The following CSNK2A2IP variants were observed in gnomAD, a reference collection of about 807,000 sequenced individuals.
CSNK2A2IP encodes casein kinase II subunit alpha'-interacting protein.
the CSNK2A2IP span, among the ~76,000 whole-genome samples, chr3:88,374,410 T>G: frequency 2.9e-3 from 433 of 151,680 alleles, 5 homozygotes; most frequent in African/African-American, 9.7e-3. Context: ...AGATATGGAT[T>G]TGGGAGTCAT....
At chr3:88,391,512 C>T in the CSNK2A2IP span, among the ~76,000 whole-genome samples, 1 of 152,076 alleles carries the variant, frequency 6.6e-6, no homozygotes, top group African/African-American at 2.4e-5. Flanking sequence ...CGTGTATATA[C>T]CAAGGCAAAT....
the CSNK2A2IP span, among the ~76,000 whole-genome samples, chr3:88,396,109 T>C: frequency 1.7e-3 from 252 of 148,152 alleles, 3 homozygotes; most frequent in East Asian, 0.014. Context: ...TACTTCTTTT[T>C]TTTTTTTTTT....
chr3:88,462,114 CATATATAT>C, the CSNK2A2IP span, among the ~76,000 whole-genome samples: 14 of 143,174 alleles, frequency 9.8e-5, no homozygotes, highest in African/African-American at 2.6e-4. Flanking sequence ...GAGTTTTTTT[CATATATAT>C]ATATATATAT....
At chr3:88,364,388 AT>A in the CSNK2A2IP span, among the ~76,000 whole-genome samples, 1 of 152,088 alleles carries the variant, frequency 6.6e-6, no homozygotes, top group Non-Finnish European at 1.5e-5. Flanking sequence ...ATATTTAAAA[AT>A]ATTGCATGGG....
the CSNK2A2IP span, among the ~76,000 whole-genome samples, chr3:88,429,572 G>A: frequency 1.3e-4 from 11 of 81,670 alleles, no homozygotes; most frequent in Non-Finnish European, 2.9e-4. Context: ...CTAAATAGCT[G>A]GCTCTCTGAA....
chr3:88,449,214 G>A, the CSNK2A2IP span, among the ~76,000 whole-genome samples: 5 of 152,032 alleles, frequency 3.3e-5, no homozygotes, highest in Non-Finnish European at 5.9e-5. Context: ...ATTCTTCAAA[G>A]CATGGGCAAA....
At chr3:88,366,123 T>A in the CSNK2A2IP span, among the ~76,000 whole-genome samples, 4 of 152,160 alleles carry the variant, frequency 2.6e-5, no homozygotes, top group Non-Finnish European at 4.4e-5. Context: ...TTAGTGTGGT[T>A]TTCCTGCTCT....
chr3:88,361,243 G>T, the CSNK2A2IP span, among the ~76,000 whole-genome samples: 1 of 152,136 alleles, frequency 6.6e-6, no homozygotes, highest in Non-Finnish European at 1.5e-5. Flanking sequence ...ACTTGTTAGT[G>T]CTCTCTTCTT....
chr3:88,419,160 A>G, the CSNK2A2IP span, among the ~76,000 whole-genome samples: 1 of 152,188 alleles, frequency 6.6e-6, no homozygotes, highest in Non-Finnish European at 1.5e-5. Flanking sequence ...ATATATTACA[A>G]TGTAATAATA....
chr3:88,446,030 TTTTCTTTCTTTC>T, the CSNK2A2IP span, among the ~76,000 whole-genome samples: 6,612 of 57,822 alleles, frequency 0.11, 389 homozygotes, highest in African/African-American at 0.14. Flanking sequence ...TCTTTGTTTC[TTTTCTTTCTTTC>T]TTTCTTTCTT....
the CSNK2A2IP span, among the ~76,000 whole-genome samples, chr3:88,420,525 T>C: frequency 2.0e-5 from 3 of 152,184 alleles, no homozygotes; most frequent in Non-Finnish European, 4.4e-5. Context: ...ATATGTATAA[T>C]AAGCTATATT....
the CSNK2A2IP span, among the ~76,000 whole-genome samples, chr3:88,363,285 TATATTCTC>T: frequency 1.3e-5 from 2 of 152,210 alleles, no homozygotes; most frequent in Admixed American, 1.3e-4. Context: ...TTCCTATACT[TATATTCTC>T]AAATGTACTA....
At chr3:88,338,939 A>C in the CSNK2A2IP span, among the ~76,000 whole-genome samples, 1 of 152,020 alleles carries the variant, frequency 6.6e-6, no homozygotes. Context: ...TTATGGGTAC[A>C]TAATAGTTGT....
chr3:88,359,711 A>C, the CSNK2A2IP span, among the ~76,000 whole-genome samples: 1 of 152,148 alleles, frequency 6.6e-6, no homozygotes, highest in African/African-American at 2.4e-5. Context: ...GTTTTGTTCC[A>C]TTGTGATCAG....
At chr3:88,409,626 A>C in the CSNK2A2IP span, among the ~76,000 whole-genome samples, 1 of 152,068 alleles carries the variant, frequency 6.6e-6, no homozygotes. Context: ...ATAGGGACAA[A>C]AAATATTCTT....
the CSNK2A2IP span, among the ~76,000 whole-genome samples, chr3:88,339,272 T>C: frequency 6.6e-6 from 1 of 152,094 alleles, no homozygotes; most frequent in East Asian, 1.9e-4. Flanking sequence ...AGTTCATTTT[T>C]TTTTTAGCTC....
At chr3:88,396,687 G>A in the CSNK2A2IP span, among the ~76,000 whole-genome samples, 7 of 152,190 alleles carry the variant, frequency 4.6e-5, no homozygotes, top group African/African-American at 1.7e-4. Context: ...ATACCTTAGT[G>A]GCTAGATAAT....
At chr3:88,353,914 TTGATCCCCAGTG>T in the CSNK2A2IP span, among the ~76,000 whole-genome samples, 1 of 152,162 alleles carries the variant, frequency 6.6e-6, no homozygotes, top group East Asian at 1.9e-4. Flanking sequence ...ATGTTAAAAT[TTGATCCCCAGTG>T]TGGGAGGTGT....
chr3:88,456,364 T>C, the CSNK2A2IP span, among the ~76,000 whole-genome samples: 1 of 152,112 alleles, frequency 6.6e-6, no homozygotes, highest in Non-Finnish European at 1.5e-5. Context: ...TTTCACCAAT[T>C]CTTTTATCAG....
Sources: allele counts gnomAD v4.1 joint callset (sites outside exome capture counted in the v4.1 genomes callset), GRCh38; gene constraint gnomAD v4.1.1; transcripts MANE v1.5; gene names NCBI Gene and HGNC (gene_info 2026-07-23, HGNC 2026-07-21).